ASB16: variants seen among roughly 807,000 people sequenced by gnomAD.
The protein encoded by ASB16 is ankyrin repeat and SOCS box containing 16, also known as ankyrin repeat and SOCS box protein 16.
Under a neutral mutation model 39.1 loss-of-function variants are expected in ASB16, and 44 were observed. That is an observed-to-expected ratio of 1.13 (90% CI 0.88 to 1.45). ASB16 has a LOEUF of 1.45. Among genes scored for constraint, ASB16 ranks in the 40% most tolerant of loss-of-function variants. The pLI is 0.00. For missense variants in ASB16, 698 were observed against 634.5 expected, an observed-to-expected ratio of 1.10 and a Z score of -1.07; for synonymous variants, 305 against 286.7, an observed-to-expected ratio of 1.06 and a Z score of -0.64.
At chr17:44,178,113 G>T in intron 4 of ASB16, 92 bp from the exon 5 acceptor site, 5 of 1,357,186 alleles carry the variant, frequency 3.7e-6, no homozygotes, top group Non-Finnish European at 5.2e-6. Context: ...ACCCAGGTGG[G>T]TGCATGCTGC....
intron 3 of ASB16, 148 bp from the exon 4 acceptor site, chr17:44,177,461 T>G: frequency 1.7e-6 from 2 of 1,162,678 alleles, no homozygotes; most frequent in Non-Finnish European, 2.4e-6. Context: ...TACTTGAGGG[T>G]GGGGTAGACA....
chr17:44,176,397 G>T (rs1598123842), intron 2 of ASB16: 4 of 342,646 alleles, frequency 1.2e-5, no homozygotes, highest in Admixed American at 4.6e-5. Flanking sequence ...ACAACTGAAT[G>T]ATTCAGAACC....
chr17:44,177,919 C>T, intron 4 of ASB16, 197 bp downstream of exon 4: 1 of 732,468 alleles, frequency 1.4e-6, no homozygotes, highest in Admixed American at 2.9e-5. Flanking sequence ...TCCTGCCTCC[C>T]TCACTTGCAT....
intron 2 of ASB16, among the ~76,000 whole-genome samples, chr17:44,175,777 T>A (rs546594397): frequency 6.6e-6 from 1 of 152,328 alleles, no homozygotes; most frequent in Admixed American, 6.5e-5. Flanking sequence ...GGCCTATAAT[T>A]TTCCCTGGAA....
chr17:44,177,714 C>G lies in ASB16; in HGVS notation c.1168C>G (p.Leu390Val). The G allele has an allele frequency of 6.2e-7, 1 of 1,613,540 alleles. No homozygotes were observed. The highest frequency in any genetic ancestry group is 2.2e-5 in the East Asian group (1 of 44,866). Residue 390 changes from leucine to valine, a missense_variant, in exon 4 of 5, where the codon CTG becomes GTG. By Grantham distance (32) the Leu-to-Val change is conservative. Transcript: ENST00000293414. ...CTGGGTGGAGGCGGTGCTCCCAGAG[C>G]TGTGGAAGGTATGTTTGCCTCAGGG... ...ETWVEAVLPELWKEHEAFYSS... is the reference protein window; with the variant it reads ...ETWVEAVLPEVWKEHEAFYSS...
In ASB16 at chr17:44,172,195, T is replaced by C; in HGVS notation, c.451T>C (p.Cys151Arg). 1 of 1,613,452 alleles carries C rather than the reference T, an allele frequency of 6.2e-7. No individual in the cohort carries two copies. Among genetic ancestry groups the C allele is most frequent in the Non-Finnish European group, 8.5e-7 (1 of 1,180,042 alleles). Reference protein sequence around the residue: ...VGGRAALHEACARAQFDCVRL... With the variant: ...VGGRAALHEARARAQFDCVRL... ...GGGTCGCGCTGCCTTGCATGAGGCC[T>C]GTGCCCGAGCCCAGTTTGACTGTGT... The change falls in exon 2 of 5, where the codon TGT becomes CGT. Residue 151 changes from cysteine (C) to arginine (R), a missense_variant. Cys to Arg is a radical substitution (Grantham distance 180). Transcript: ENST00000293414.
chr17:44,172,124 C>G lies in ASB16; in HGVS notation c.380C>G (p.Ala127Gly), dbSNP rs367726107. The G allele has an allele frequency of 2.5e-6, 4 of 1,611,442 alleles. No individual in the cohort carries two copies. The highest frequency in any genetic ancestry group is 3.4e-6 in the Non-Finnish European group (4 of 1,179,994). ...ACAGCCCGAGGCTACACAGACTGTG[C>G]TCGACACCTGATCCGGCAGGGAGCT... The part of the protein sequence containing the change: ...IATARGYTDC[A>G]RHLIRQGAEL... Residue 127 changes from alanine to glycine, a missense_variant, in exon 2 of 5, where the codon GCT (alanine) becomes GGT (glycine). Physicochemically the swap from Ala to Gly is moderately conservative, Grantham distance 60 (BLOSUM62 0). Coordinates refer to ENST00000293414, the MANE Select transcript of ASB16 (RefSeq NM_080863.5).
rs374221364 is a variant in ASB16 at position 44,178,179 on chromosome 17, C to G, written c.1177-26C>G. On this transcript the variant is annotated intron_variant, in intron 4 of 4. Coordinates refer to ENST00000293414, the MANE Select transcript of ASB16 (RefSeq NM_080863.5). ...CCCCAGATGGTAGGGCAAGGGTCAT[C>G]TGACCTTCTTTCACTCCTGGCCTAG... 14 of 1,610,644 alleles carry G rather than the reference C, an allele frequency of 8.7e-6. No homozygotes were observed. In the African/African-American group the frequency reaches 1.6e-4, roughly 18 times the overall value.
chr17:44,177,845 C>T, intron 4 of ASB16, 123 bp downstream of exon 4: 2 of 1,405,606 alleles, frequency 1.4e-6, no homozygotes, highest in Non-Finnish European at 1.9e-6. Context: ...TAGAGTGGCA[C>T]CCCTGGGTTT....
chr17:44,172,185 G>T lies in ASB16; in HGVS notation c.441G>T (p.Leu147Phe). The change falls in exon 2 of 5, where the codon TTG (leucine) becomes TTT (phenylalanine). Residue 147 changes from leucine (L) to phenylalanine (F), a missense_variant. By Grantham distance (22) the Leu-to-Phe change is conservative (BLOSUM62 0). Coordinates refer to ENST00000293414, the MANE Select transcript of ASB16 (RefSeq NM_080863.5). ...CCCGTGTCGGGGGTCGCGCTGCCTT[G>T]CATGAGGCCTGTGCCCGAGCCCAGT... is the stretch of plus-strand genomic sequence containing the variant. ...LDARVGGRAA[L>F]HEACARAQFD... The T allele has an allele frequency of 6.2e-7, 1 of 1,612,898 alleles. No individual in the cohort carries two copies.
chr17:44,174,732 G>A (rs528165740), intron 2 of ASB16, among the ~76,000 whole-genome samples: 1 of 152,268 alleles, frequency 6.6e-6, no homozygotes, highest in East Asian at 1.9e-4. Context: ...CCTTCCAACA[G>A]ACTTCATCTT....
At position 44,170,748 on chromosome 17, in the gene ASB16, G is replaced by A; in HGVS notation, c.-42G>A. 1 of 1,537,424 alleles carries A rather than the reference G, an allele frequency of 6.5e-7. No homozygotes were observed. The highest frequency in any genetic ancestry group is 2.4e-4 in the Middle Eastern group (1 of 4,096). ...GAGGTAGTCGGGTCGAGGGAACCTGGCTCTGCCCAGGTGCCACTGCCCAAA... is the reference window on the plus strand; with the variant it reads ...GAGGTAGTCGGGTCGAGGGAACCTGACTCTGCCCAGGTGCCACTGCCCAAA... On this transcript the variant is annotated 5_prime_UTR_variant, in exon 1 of 5. Transcript: ENST00000293414.
chr17:44,172,325 G>T lies in ASB16; in HGVS notation c.569+12G>T. ...CCCGAGTCCTTGCAGTAGGTGCCTG[G>T]GGGCTGAGACAGTTTGGGGAGAAAT... On this transcript the variant is annotated intron_variant, in intron 2 of 4. Transcript: ENST00000293414. 6.2e-7 allele frequency: 1 copy of T among 1,602,930 alleles called. No homozygotes were observed.
chr17:44,177,357 TC>T, intron 3 of ASB16, 127 bp downstream of exon 3: 3 of 1,345,434 alleles, frequency 2.2e-6, no homozygotes, highest in Non-Finnish European at 3.0e-6. Flanking sequence ...CAGGGGGCTG[TC>T]CCCAGCTTGG....
intron 3 of ASB16, 120 bp downstream of exon 3, chr17:44,177,350 G>A: frequency 7.3e-7 from 1 of 1,370,342 alleles, no homozygotes; most frequent in Non-Finnish European, 9.7e-7. Flanking sequence ...CAGTGGCCAG[G>A]GGGCTGTCCC....
At position 44,177,684 on chromosome 17, in the gene ASB16, G is replaced by A; in HGVS notation, c.1138G>A (p.Glu380Lys). Reference sequence around the variant, plus strand: ...TGCCTATCCTTGTGTCCCATCCTGTGAGACCTGGGTGGAGGCGGTGCTCCC... The same window carrying A: ...TGCCTATCCTTGTGTCCCATCCTGTAAGACCTGGGTGGAGGCGGTGCTCCC... Reference protein sequence around the residue: ...LNAYPCVPSCETWVEAVLPEL... With the variant: ...LNAYPCVPSCKTWVEAVLPEL... Residue 380 changes from glutamate (E) to lysine (K), a missense_variant, in exon 4 of 5, where the codon GAG (glutamate) becomes AAG (lysine). By Grantham distance (56) the Glu-to-Lys change is moderately conservative. Coordinates refer to ENST00000293414, the MANE Select transcript of ASB16 (RefSeq NM_080863.5). The A allele has an allele frequency of 6.2e-7, 1 of 1,613,914 alleles. No homozygotes were observed. The highest frequency in any genetic ancestry group is 8.5e-7 in the Non-Finnish European group (1 of 1,179,870).
chr17:44,177,230 G>A lies in ASB16; in HGVS notation c.1062G>A (p.Glu354=). ...LDYGAQPVRP[E]MLKHCANFPR... The stretch of plus-strand genomic sequence containing the variant: ...ACGGGGCGCAGCCAGTGCGCCCTGA[G>A]GTGCGCTGGGAGGCCCTGACATAGG... Residue 354 remains glutamate, a splice_region_variant and synonymous_variant, in exon 3 of 5, where the codon GAG becomes GAA. Coordinates refer to ENST00000293414, the MANE Select transcript of ASB16 (RefSeq NM_080863.5). 1.3e-6 allele frequency: 2 copies of A among 1,535,586 alleles called. No homozygotes were observed. The highest frequency in any genetic ancestry group is 1.8e-6 in the Non-Finnish European group (2 of 1,141,708).
chr17:44,178,423 G>C lies in ASB16; in HGVS notation c.*33G>C, dbSNP rs369351726. 1.2e-5 allele frequency: 18 copies of C among 1,533,600 alleles called. No individual in the cohort carries two copies. The highest frequency in any genetic ancestry group is 1.6e-5 in the Non-Finnish European group (18 of 1,132,638). The allele number at this position is 1,533,600 out of a possible 1,614,324, so 95.0% of individuals were successfully genotyped here. ...GTCAGGCTGTCCCATGGTGTGTTCT[G>C]CCCCTCCCACCTGTCCCCGCCTCCA... On this transcript the variant is annotated 3_prime_UTR_variant, in exon 5 of 5. Transcript: ENST00000293414.
Position 44,178,268 on chromosome 17 carries a change from C to A in ASB16, c.1240C>A (p.Leu414Met). Residue 414 changes from leucine to methionine, a missense_variant, in exon 5 of 5, where the codon CTG becomes ATG. By Grantham distance (15) the Leu-to-Met change is conservative. Transcript: ENST00000293414. ...MVNQPRQLQH[L>M]ARLAVRARLG... ...GAACCAGCCAAGGCAGCTGCAGCAC[C>A]TGGCCCGACTAGCTGTGCGCGCTCG... 6.2e-7 allele frequency: 1 copy of A among 1,613,508 alleles called. No individual in the cohort carries two copies. The highest frequency in any genetic ancestry group is 8.5e-7 in the Non-Finnish European group (1 of 1,179,950).
Sources: allele counts gnomAD v4.1 joint callset (sites outside exome capture counted in the v4.1 genomes callset), GRCh38; gene constraint gnomAD v4.1.1; transcripts MANE v1.5; gene names NCBI Gene and HGNC (gene_info 2026-07-23, HGNC 2026-07-21).